NF1: variants seen among roughly 807,000 people sequenced by gnomAD.
NF1 encodes neurofibromin 1, also known as neurofibromin.
Under a neutral mutation model 325.7 loss-of-function variants are expected in NF1, and 122 were observed. The ratio of observed to expected loss-of-function variants is 0.37; its 90% CI spans 0.32 to 0.44. NF1 has a LOEUF of 0.44. Ranked by LOEUF, NF1 falls within the 20% of genes least tolerant of loss-of-function variation. The pLI, the probability that NF1 is intolerant of heterozygous loss-of-function variation, is 1.00. For missense variants in NF1, 2,140 were observed against 3,415.4 expected (o/e 0.63, Z 9.31); for synonymous variants, 1,091 against 1,186.0 (o/e 0.92, Z 1.65).
At chr17:31,184,565 C>T (rs1030939436) in intron 8 of NF1, among the ~76,000 whole-genome samples, 12 of 149,498 alleles carry the variant, frequency 8.0e-5, no homozygotes, top group East Asian at 3.9e-4. Flanking sequence ...AGGAGAATGG[C>T]GTGAACCCCA....
At chr17:31,356,811 G>A (rs17882467) in intron 52 of NF1, 149 bp from the exon 53 acceptor site, 2 of 1,288,932 alleles carry the variant, frequency 1.6e-6, no homozygotes, top group Non-Finnish European at 2.2e-6. Context: ...AAACTTTTGT[G>A]TAGGCGAATA....
At chr17:31,137,704 CCACTAGCTTGCTGGAA>C (rs1915882006) in intron 1 of NF1, 1 of 151,618 alleles carries the variant, frequency 6.6e-6, no homozygotes, top group Non-Finnish European at 1.5e-5. Flanking sequence ...AACACACCTT[CCACTAGCTTGCTGGAA>C]AAAAAAAAAA....
At chr17:31,124,592 A>ATTTTT (rs35335433) in intron 1 of NF1, among the ~76,000 whole-genome samples, 31 of 62,938 alleles carry the variant, frequency 4.9e-4, no homozygotes, top group Non-Finnish European at 7.6e-4. Flanking sequence ...GTATTCTTGA[A>ATTTTT]TTTTTTTTTT....
rs555081596 is a variant in NF1 at position 31,329,407 on chromosome 17, C to T, written c.5610-889C>T. 1.4e-4 allele frequency among the ~76,000 whole-genome samples: 22 copies of T among 152,252 alleles called. No individual in the cohort carries two copies. In the South Asian group the frequency reaches 4.3e-3, roughly 30 times the overall value. Reference sequence around the variant, plus strand: ...GAAGCATGTCATCCCAGAGAAAAAGCCTTTAGGCAGACTTAAATTCCAGTG... The same window carrying T: ...GAAGCATGTCATCCCAGAGAAAAAGTCTTTAGGCAGACTTAAATTCCAGTG... On this transcript the variant is annotated intron_variant, in intron 38 of 57. Transcript: ENST00000358273.
At chr17:31,129,468 T>C (rs946517689) in intron 1 of NF1, among the ~76,000 whole-genome samples, 26 of 151,326 alleles carry the variant, frequency 1.7e-4, no homozygotes, top group Middle Eastern at 3.4e-3. Flanking sequence ...TTTTTTTTTT[T>C]TTTTTTGAGA....
intron 1 of NF1, among the ~76,000 whole-genome samples, chr17:31,129,764 G>C (rs372905825): frequency 8.5e-5 from 13 of 152,174 alleles, no homozygotes; most frequent in African/African-American, 2.9e-4. Flanking sequence ...AGCTGTATGA[G>C]GTCGTTTATA....
chr17:31,333,461 C>G (rs2069558656), intron 39 of NF1, among the ~76,000 whole-genome samples: 1 of 152,146 alleles, frequency 6.6e-6, no homozygotes, highest in South Asian at 2.1e-4. Context: ...TAGAACATTT[C>G]TAGCATCCAG....
At chr17:31,139,118 G>C (rs1184069636) in intron 1 of NF1, among the ~76,000 whole-genome samples, 2 of 152,030 alleles carry the variant, frequency 1.3e-5, no homozygotes, top group African/African-American at 4.8e-5. Context: ...CATGATCTCA[G>C]CTCACTGCAA....
At chr17:31,200,139 A>G (rs77853591) in intron 8 of NF1, among the ~76,000 whole-genome samples, 31 of 140,914 alleles carry the variant, frequency 2.2e-4, no homozygotes, top group Admixed American at 6.3e-4. Context: ...CCATCTTGGG[A>G]AAAAAAAAAA....
intron 36 of NF1, chr17:31,296,232 C>G: frequency 6.2e-7 from 1 of 1,614,106 alleles, no homozygotes; most frequent in Middle Eastern, 1.6e-4. Flanking sequence ...CTGTGCCTCT[C>G]TGTGCATATA....
At chr17:31,361,612 T>C (rs1394771484) in intron 57 of NF1, 2 of 152,240 alleles carry the variant, frequency 1.3e-5, no homozygotes, top group African/African-American at 4.8e-5. Context: ...AGTTCACTTA[T>C]GAAACACATC....
chr17:31,322,943 C>T lies in NF1; in HGVS notation c.4836-2877C>T, dbSNP rs900902217. ...ATACCTAGACTCTACAGTGCCTTTT[C>T]GGTAGCCCTGAATCCTTCTTATATC... On this transcript the variant is annotated intron_variant, in intron 36 of 57. Transcript: ENST00000358273. Among the ~76,000 whole-genome samples the T allele has an allele frequency of 3.3e-5, 5 of 152,178 alleles. No individual in the cohort carries two copies. The East Asian group carries it at 5.8e-4, about 18-fold the overall frequency.
chr17:31,157,893 G>A (rs941129648), intron 2 of NF1, among the ~76,000 whole-genome samples: 2 of 151,990 alleles, frequency 1.3e-5, no homozygotes, highest in Admixed American at 1.3e-4. Context: ...GTGAACCCGG[G>A]AGGCGGAGCT....
At chr17:31,316,787 T>C (rs945617023) in intron 36 of NF1, among the ~76,000 whole-genome samples, 1 of 152,252 alleles carries the variant, frequency 6.6e-6, no homozygotes, top group African/African-American at 2.4e-5. Context: ...AATATTGTTA[T>C]GATTTCTCGT....
At chr17:31,201,325 C>G (rs1283704180) in intron 10 of NF1, 86 bp from the exon 11 acceptor site, 94 of 1,450,136 alleles carry the variant, frequency 6.5e-5, no homozygotes, top group Non-Finnish European at 8.0e-5. Context: ...TTTAAACTTT[C>G]TATTTGCTGT....
At chr17:31,181,563 A>G in intron 6 of NF1, 74 bp downstream of exon 6, 2 of 1,442,014 alleles carry the variant, frequency 1.4e-6, no homozygotes, top group South Asian at 2.3e-5. Flanking sequence ...TCCTGAATCA[A>G]AAAGTTATGA....
intron 36 of NF1, among the ~76,000 whole-genome samples, chr17:31,299,880 C>T (rs891518957): frequency 1.3e-5 from 2 of 151,654 alleles, no homozygotes; most frequent in South Asian, 2.1e-4. Context: ...GGAGTTTTCT[C>T]TTTGACTCTT....
At position 31,192,180 on chromosome 17, in the gene NF1, G is replaced by A. The variant is rs184477310; in HGVS notation, c.889-8242G>A. ...TTGAGAAATTTATATATGTGTCCAC[G>A]AAAAGAGTCAAACTCTATAAAATAT... On this transcript the variant is annotated intron_variant, in intron 8 of 57. Transcript: ENST00000358273. Among the ~76,000 whole-genome samples, 15 of 152,166 alleles carry A rather than the reference G, an allele frequency of 9.9e-5. No individual in the cohort carries two copies. In the East Asian group the frequency reaches 2.7e-3, roughly 27 times the overall value.
Position 31,195,384 on chromosome 17 carries a change from C to T in NF1, c.889-5038C>T, listed in dbSNP as rs141428501. Among the ~76,000 whole-genome samples the T allele has an allele frequency of 9.2e-5, 14 of 152,152 alleles. 1 individual carries two copies. Among genetic ancestry groups the T allele is most frequent in the African/African-American group, 2.9e-4 (12 of 41,528 alleles). ...TTCTGTCTCTTTAAAATTTTGTATG[C>T]GGTAAAATGCACGTAACATCAAATT... On this transcript the variant is annotated intron_variant, in intron 8 of 57. Coordinates refer to ENST00000358273, the MANE Select transcript of NF1 (RefSeq NM_001042492.3).
Sources: allele counts gnomAD v4.1 joint callset (sites outside exome capture counted in the v4.1 genomes callset), GRCh38; gene constraint gnomAD v4.1.1; transcripts MANE v1.5; gene names NCBI Gene and HGNC (gene_info 2026-07-23, HGNC 2026-07-21).